The following SPAG16 variants were observed in gnomAD, a reference collection of about 807,000 sequenced individuals.
SPAG16 encodes sperm-associated antigen 16 protein.
A neutral mutation model predicts 80.4 loss-of-function variants in SPAG16; 86 were observed. That is an observed-to-expected ratio of 1.07 (90% CI 0.90 to 1.28). The LOEUF (loss-of-function observed/expected upper bound fraction) is 1.28, where lower values mean the gene tolerates loss of function less well. SPAG16 is among the 50% of genes most tolerant of loss of function. SPAG16 has a pLI of 0.00. For synonymous variants in SPAG16, 294 were observed against 265.9 expected, an observed-to-expected ratio of 1.11 and a Z score of -1.03; for missense variants, 870 against 765.3, an observed-to-expected ratio of 1.14 and a Z score of -1.61.
In SPAG16 at chr2:214,403,572, G is replaced by A. The variant is rs182560929; in HGVS notation, c.1721-6568G>A. On this transcript the variant is annotated intron_variant, in intron 15 of 15. Transcript: ENST00000331683. ...TTTCACATGCTCAATAGCTACATGT[G>A]TGTCATAGCTGCTATAATGGATATT... Among the ~76,000 whole-genome samples, 190 of 152,082 alleles carry A rather than the reference G, an allele frequency of 1.2e-3. 1 individual carries two copies. Among genetic ancestry groups the A allele is most frequent in the African/African-American group, 4.4e-3 (183 of 41,510 alleles).
At chr2:214,246,737 G>A (rs1224324318) in intron 15 of SPAG16, among the ~76,000 whole-genome samples, 11 of 150,478 alleles carry the variant, frequency 7.3e-5, no homozygotes, top group African/African-American at 2.3e-4. Flanking sequence ...CCAGAGCTTT[G>A]GGGAATGTTA....
intron 11 of SPAG16, among the ~76,000 whole-genome samples, chr2:213,877,477 T>C (rs566602257): frequency 3.3e-5 from 5 of 152,250 alleles, no homozygotes; most frequent in African/African-American, 1.2e-4. Context: ...ACCCAACTAA[T>C]TAAAAAATCA....
At chr2:213,609,169 T>C (rs2061363311) in intron 10 of SPAG16, among the ~76,000 whole-genome samples, 1 of 152,216 alleles carries the variant, frequency 6.6e-6, no homozygotes, top group African/African-American at 2.4e-5. Flanking sequence ...CACTGAATTT[T>C]TCCATTCTGA....
At chr2:214,228,350 A>C (rs567064883) in intron 15 of SPAG16, among the ~76,000 whole-genome samples, 1 of 152,116 alleles carries the variant, frequency 6.6e-6, no homozygotes, top group East Asian at 1.9e-4. Flanking sequence ...ATTATATCAC[A>C]GCTGATCAAG....
intron 10 of SPAG16, among the ~76,000 whole-genome samples, chr2:213,738,037 C>T (rs1277944159): frequency 6.6e-6 from 1 of 152,148 alleles, no homozygotes; most frequent in Non-Finnish European, 1.5e-5. Flanking sequence ...TCTTTCTAAA[C>T]ACTTTATAGT....
At chr2:213,700,830 T>C (rs1225910131) in intron 10 of SPAG16, among the ~76,000 whole-genome samples, 1 of 152,232 alleles carries the variant, frequency 6.6e-6, no homozygotes. Context: ...TTCTCTATCA[T>C]TGTTTTTCTT....
At chr2:213,715,897 C>T (rs2066219809) in intron 10 of SPAG16, among the ~76,000 whole-genome samples, 1 of 151,808 alleles carries the variant, frequency 6.6e-6, no homozygotes, top group African/African-American at 2.4e-5. Flanking sequence ...GACACCACTC[C>T]TTCCCCATGG....
At chr2:213,428,594 A>C (rs964605005) in intron 9 of SPAG16, among the ~76,000 whole-genome samples, 1 of 152,192 alleles carries the variant, frequency 6.6e-6, no homozygotes, top group Non-Finnish European at 1.5e-5. Flanking sequence ...CATTTGCTCC[A>C]GCTGTGGGCA....
At chr2:213,650,446 T>C (rs1040504530) in intron 10 of SPAG16, among the ~76,000 whole-genome samples, 31 of 152,218 alleles carry the variant, frequency 2.0e-4, no homozygotes, top group African/African-American at 7.5e-4. Context: ...TTCATCTGAT[T>C]CACACTCCTT....
intron 15 of SPAG16, among the ~76,000 whole-genome samples, chr2:214,230,474 T>C (rs1208650803): frequency 1.3e-5 from 2 of 152,174 alleles, no homozygotes; most frequent in East Asian, 3.9e-4. Context: ...TGATATTAAA[T>C]ATTTATTACA....
intron 13 of SPAG16, among the ~76,000 whole-genome samples, chr2:214,086,052 G>A (rs1037363992): frequency 6.6e-6 from 1 of 152,076 alleles, no homozygotes; most frequent in Non-Finnish European, 1.5e-5. Context: ...ATATGTGATT[G>A]TTTCTTTATG....
chr2:213,616,559 G>A (rs1300981289), intron 10 of SPAG16, among the ~76,000 whole-genome samples: 1 of 152,202 alleles, frequency 6.6e-6, no homozygotes, highest in East Asian at 1.9e-4. Flanking sequence ...AAGCCAGAAA[G>A]TCTAGCTTAC....
chr2:213,638,635 T>C (rs2062461790), intron 10 of SPAG16, among the ~76,000 whole-genome samples: 1 of 152,220 alleles, frequency 6.6e-6, no homozygotes, highest in Non-Finnish European at 1.5e-5. Flanking sequence ...TTTTCTTAAA[T>C]TTATTGAGAC....
chr2:213,948,837 T>C (rs2079580695), intron 12 of SPAG16, among the ~76,000 whole-genome samples: 1 of 152,174 alleles, frequency 6.6e-6, no homozygotes, highest in Non-Finnish European at 1.5e-5. Context: ...TCTGTTACAT[T>C]TTTTGCCAAA....
At chr2:213,502,870 A>G (rs2074803074) in intron 10 of SPAG16, among the ~76,000 whole-genome samples, 1 of 152,238 alleles carries the variant, frequency 6.6e-6, no homozygotes, top group African/African-American at 2.4e-5. Flanking sequence ...AGTAGAGCTT[A>G]TGACAACATA....
chr2:214,038,053 T>C (rs1423879222), intron 13 of SPAG16, among the ~76,000 whole-genome samples: 1 of 152,174 alleles, frequency 6.6e-6, no homozygotes, highest in African/African-American at 2.4e-5. Context: ...TTCACATTAA[T>C]TGACGTGCTA....
At chr2:213,705,785 GTTT>G (rs1205344852) in intron 10 of SPAG16, among the ~76,000 whole-genome samples, 1 of 10,478 alleles carries the variant, frequency 9.5e-5, no homozygotes, top group East Asian at 3.2e-3. Context: ...ATGGTGGAGG[GTTT>G]GTTGTTGTTG....
At chr2:214,046,708 G>A (rs973748516) in intron 13 of SPAG16, among the ~76,000 whole-genome samples, 8 of 151,990 alleles carry the variant, frequency 5.3e-5, no homozygotes, top group East Asian at 1.9e-4. Flanking sequence ...ACAAGAGAAC[G>A]AAATAAAAAA....
intron 15 of SPAG16, among the ~76,000 whole-genome samples, chr2:214,268,607 T>C (rs73083010): frequency 0.13 from 19,942 of 151,880 alleles, 1,405 homozygotes; most frequent in Middle Eastern, 0.23. Flanking sequence ...ATTTTATCTT[T>C]CGGGGCTGAA....
Sources: allele counts gnomAD v4.1 joint callset (sites outside exome capture counted in the v4.1 genomes callset), GRCh38; gene constraint gnomAD v4.1.1; transcripts MANE v1.5; gene names NCBI Gene and HGNC (gene_info 2026-07-23, HGNC 2026-07-21).